COL24A1: variants seen among roughly 807,000 people sequenced by gnomAD.
The protein encoded by COL24A1 is collagen alpha-1(XXIV) chain.
In COL24A1, 224 loss-of-function variants were observed where a neutral mutation model predicts 253.9. That is an observed-to-expected ratio of 0.88 (90% CI 0.79 to 0.99). The LOEUF (loss-of-function observed/expected upper bound fraction) is 0.99, where lower values mean the gene tolerates loss of function less well. Ranked by LOEUF, COL24A1 falls within the 50% of genes least tolerant of loss-of-function variation. The pLI, the probability that COL24A1 is intolerant of heterozygous loss-of-function variation, is 0.00. For missense variants in COL24A1, 2,131 were observed against 2,068.5 expected (o/e 1.03, Z -0.59); for synonymous variants, 685 against 673.7 (o/e 1.02, Z -0.26).
intron 12 of COL24A1, among the ~76,000 whole-genome samples, chr1:86,038,333 A>G (rs1447256608): frequency 2.0e-5 from 3 of 152,160 alleles, no homozygotes; most frequent in Non-Finnish European, 4.4e-5. Flanking sequence ...AAAATTAGAT[A>G]ATTAATTTCT....
At chr1:85,872,016 C>G (rs1299049024) in intron 35 of COL24A1, among the ~76,000 whole-genome samples, 2 of 152,174 alleles carry the variant, frequency 1.3e-5, no homozygotes, top group African/African-American at 4.8e-5. Flanking sequence ...GATACAAAAT[C>G]AATGTGCAAA....
intron 5 of COL24A1, among the ~76,000 whole-genome samples, chr1:86,108,741 A>C (rs771974712): frequency 6.7e-6 from 1 of 149,756 alleles, no homozygotes; most frequent in East Asian, 2.0e-4. Context: ...CAGGAGGTGG[A>C]GGTTGCAGTG....
At chr1:85,933,508 T>C (rs1687988687) in intron 24 of COL24A1, among the ~76,000 whole-genome samples, 1 of 152,184 alleles carries the variant, frequency 6.6e-6, no homozygotes, top group Non-Finnish European at 1.5e-5. Context: ...TAGATAGCTT[T>C]CCTACACTTG....
intron 47 of COL24A1, among the ~76,000 whole-genome samples, chr1:85,799,711 G>C (rs545468157): frequency 1.3e-5 from 2 of 152,140 alleles, no homozygotes; most frequent in South Asian, 4.2e-4. Flanking sequence ...GCAAACCTTG[G>C]GGTTACAAAG....
intron 7 of COL24A1, among the ~76,000 whole-genome samples, chr1:86,066,569 G>C (rs938659222): frequency 6.6e-6 from 1 of 151,816 alleles, no homozygotes; most frequent in Non-Finnish European, 1.5e-5. Flanking sequence ...CCCTTTCTAC[G>C]CAATCCGAAG....
intron 55 of COL24A1, among the ~76,000 whole-genome samples, chr1:85,746,621 G>A (rs545363894): frequency 6.6e-6 from 1 of 152,240 alleles, no homozygotes; most frequent in South Asian, 2.1e-4. Context: ...AAATGTAAGA[G>A]GTTGGAAGGA....
At chr1:85,788,266 T>C (rs1669894218) in intron 47 of COL24A1, among the ~76,000 whole-genome samples, 1 of 152,114 alleles carries the variant, frequency 6.6e-6, no homozygotes, top group South Asian at 2.1e-4. Context: ...AATTTTTTTG[T>C]ATTTTTAACA....
chr1:86,075,883 G>A (rs1214323936), intron 7 of COL24A1, among the ~76,000 whole-genome samples: 3 of 152,174 alleles, frequency 2.0e-5, no homozygotes, highest in Admixed American at 1.3e-4. Flanking sequence ...AGATATTGAT[G>A]GAATGTATCT....
intron 4 of COL24A1, among the ~76,000 whole-genome samples, chr1:86,114,762 C>T (rs55700615): frequency 0.05 from 7,600 of 152,138 alleles, 254 homozygotes; most frequent in Middle Eastern, 0.085. Flanking sequence ...CTTTTTCTAG[C>T]TCATTGAACA....
In COL24A1 at chr1:86,049,254, C is replaced by CT. The variant is rs1700134865; in HGVS notation, c.1905+869dup. 2.0e-5 allele frequency among the ~76,000 whole-genome samples: 3 copies of CT among 152,310 alleles called. No homozygotes were observed. In the South Asian group the frequency reaches 6.2e-4, roughly 32 times the overall value. ...ATTGTCATTACAGCATATTTAAACT[C>CT]TTTGATTATTTCTTCTCTGCAGGGG... On this transcript the variant is annotated intron_variant, in intron 11 of 59. Coordinates refer to ENST00000370571, the MANE Select transcript of COL24A1 (RefSeq NM_152890.7).
chr1:85,982,552 T>C (rs1387234227), intron 20 of COL24A1, among the ~76,000 whole-genome samples: 1 of 151,782 alleles, frequency 6.6e-6, no homozygotes, highest in Non-Finnish European at 1.5e-5. Context: ...TCATTTTGTA[T>C]CTCTCATCCC....
At chr1:85,964,414 A>C (rs1035377465) in intron 23 of COL24A1, among the ~76,000 whole-genome samples, 1 of 152,148 alleles carries the variant, frequency 6.6e-6, no homozygotes, top group Admixed American at 6.6e-5. Flanking sequence ...TTTACTAGTG[A>C]TTAAAAGATC....
intron 47 of COL24A1, among the ~76,000 whole-genome samples, chr1:85,792,314 G>A (rs941812052): frequency 1.9e-4 from 29 of 151,744 alleles, no homozygotes; most frequent in African/African-American, 7.0e-4. Flanking sequence ...TATGCATAAG[G>A]AAGCTACCAT....
At chr1:85,917,882 GT>G (rs111296888) in intron 24 of COL24A1, among the ~76,000 whole-genome samples, 3 of 151,802 alleles carry the variant, frequency 2.0e-5, no homozygotes, top group Non-Finnish European at 2.9e-5. Flanking sequence ...TTTTTTTGTA[GT>G]TTTTAGTAGA....
At chr1:85,982,809 T>A (rs1458203429) in intron 20 of COL24A1, among the ~76,000 whole-genome samples, 2 of 152,020 alleles carry the variant, frequency 1.3e-5, no homozygotes, top group African/African-American at 2.4e-5. Flanking sequence ...TTAAACACAG[T>A]ACCCTTCCCA....
At chr1:85,855,915 A>G (rs1408624421) in intron 37 of COL24A1, among the ~76,000 whole-genome samples, 8 of 152,070 alleles carry the variant, frequency 5.3e-5, no homozygotes, top group Admixed American at 1.3e-4. Flanking sequence ...TCCTGGTTCA[A>G]TCTTGGGAGG....
chr1:85,756,577 G>C (rs1250231967), intron 55 of COL24A1, among the ~76,000 whole-genome samples: 3 of 152,232 alleles, frequency 2.0e-5, no homozygotes, highest in African/African-American at 2.4e-5. Context: ...AAGTGTTGGT[G>C]AGGATGTGGA....
chr1:86,030,003 T>C (rs947826547), intron 14 of COL24A1: 2 of 152,128 alleles, frequency 1.3e-5, no homozygotes, highest in African/African-American at 2.4e-5. Flanking sequence ...AAATAGTATA[T>C]AAACAAGTTG....
At position 86,122,337 on chromosome 1, in the gene COL24A1, C is replaced by T. The variant is rs539269911; in HGVS notation, c.1491+2508G>A. ...TCTCTGACTTCTCATCACATTTCTG[C>T]TTTTTCTTTCTATAACCAAAAAGCA... On this transcript the variant is annotated intron_variant, in intron 3 of 59. Coordinates refer to ENST00000370571, the MANE Select transcript of COL24A1 (RefSeq NM_152890.7). Among the ~76,000 whole-genome samples the T allele has an allele frequency of 5.9e-4, 89 of 152,064 alleles. 2 individuals are homozygous for T. The South Asian group carries it at 0.011, about 19-fold the overall frequency.
Sources: allele counts gnomAD v4.1 joint callset (sites outside exome capture counted in the v4.1 genomes callset), GRCh38; gene constraint gnomAD v4.1.1; transcripts MANE v1.5; gene names NCBI Gene and HGNC (gene_info 2026-07-23, HGNC 2026-07-21).